The following CNTN4 variants were observed in gnomAD, a reference collection of about 807,000 sequenced individuals.
CNTN4 encodes the protein contactin 4, also known as contactin-4.
A neutral mutation model predicts 122.5 loss-of-function variants in CNTN4; 77 were observed. The observed-to-expected ratio is 0.63, with a 90% CI of 0.52 to 0.76. The LOEUF is 0.76. Ranked by LOEUF, CNTN4 falls within the 30% of genes least tolerant of loss-of-function variation. CNTN4 has a pLI of 0.00. For synonymous variants in CNTN4, 512 were observed against 447.0 expected, an observed-to-expected ratio of 1.15 and a Z score of -1.83; for missense variants, 1,256 against 1,259.1, an observed-to-expected ratio of 1.00 and a Z score of 0.04.
intron 2 of CNTN4, among the ~76,000 whole-genome samples, chr3:2,284,995 A>G (rs1272519602): frequency 6.6e-6 from 1 of 151,944 alleles, no homozygotes; most frequent in African/African-American, 2.4e-5. Context: ...CTCTCTATAT[A>G]TATTTTTGCC....
intron 3 of CNTN4, among the ~76,000 whole-genome samples, chr3:2,357,856 G>A (rs146527968): frequency 5.6e-4 from 85 of 152,252 alleles, no homozygotes; most frequent in African/African-American, 1.8e-3. Context: ...AGGCTTTAAT[G>A]CCTGTAAATT....
intron 3 of CNTN4, among the ~76,000 whole-genome samples, chr3:2,418,473 A>G (rs2047498701): frequency 6.6e-6 from 1 of 152,208 alleles, no homozygotes; most frequent in East Asian, 1.9e-4. Flanking sequence ...TAATCATTAG[A>G]TACTCAATCA....
intron 13 of CNTN4, among the ~76,000 whole-genome samples, chr3:2,926,421 G>C (rs1174490711): frequency 1.3e-5 from 2 of 152,046 alleles, no homozygotes; most frequent in Non-Finnish European, 2.9e-5. Context: ...AGTTATTTGA[G>C]GTTTTACATT....
intron 4 of CNTN4, among the ~76,000 whole-genome samples, chr3:2,672,890 G>C (rs1195878988): frequency 6.6e-6 from 1 of 152,320 alleles, no homozygotes; most frequent in African/African-American, 2.4e-5. Context: ...TGGGGATTAA[G>C]AATCTGTCCT....
intron 2 of CNTN4, among the ~76,000 whole-genome samples, chr3:2,238,463 T>G (rs886618420): frequency 5.3e-5 from 8 of 151,974 alleles, no homozygotes; most frequent in Non-Finnish European, 1.2e-4. Context: ...CATTTGCTGA[T>G]GTATAATAAA....
rs146205309 is a variant in CNTN4, at chr3:2,549,591, T to C, written c.-88-21825T>C. On this transcript the variant is annotated intron_variant, in intron 3 of 24. Coordinates refer to ENST00000418658, the MANE Select transcript of CNTN4 (RefSeq NM_175607.3). ...ATAAGCTTTTTGATGTACTGCTGAA[T>C]TCCTTTTGCCAGTATTTTATTGAGG... Among the ~76,000 whole-genome samples the C allele has an allele frequency of 2.8e-3, 419 of 152,292 alleles. 2 individuals carry two copies. Among genetic ancestry groups the C allele is most frequent in the Non-Finnish European group, 4.4e-3 (298 of 68,040 alleles).
chr3:2,690,468 T>C (rs1382051505), intron 4 of CNTN4, among the ~76,000 whole-genome samples: 1 of 152,144 alleles, frequency 6.6e-6, no homozygotes, highest in Non-Finnish European at 1.5e-5. Flanking sequence ...CCTTATTTTA[T>C]CATCAATAAG....
chr3:3,006,571 G>T (rs1313383233), intron 14 of CNTN4, among the ~76,000 whole-genome samples: 2 of 152,152 alleles, frequency 1.3e-5, no homozygotes, highest in Non-Finnish European at 2.9e-5. Context: ...CAATAATTAG[G>T]CCTTTTACTA....
chr3:2,780,762 G>A (rs1176318868), intron 6 of CNTN4, among the ~76,000 whole-genome samples: 1 of 152,204 alleles, frequency 6.6e-6, no homozygotes, highest in East Asian at 1.9e-4. Context: ...ATGAAAAAAT[G>A]CCACTTTAAT....
intron 3 of CNTN4, among the ~76,000 whole-genome samples, chr3:2,368,037 T>G (rs1190725777): frequency 2.0e-5 from 3 of 146,802 alleles, no homozygotes; most frequent in African/African-American, 7.6e-5. Flanking sequence ...TTCTTTTTTT[T>G]TTTTTTTTTT....
intron 4 of CNTN4, among the ~76,000 whole-genome samples, chr3:2,733,935 G>A (rs1265928616): frequency 2.0e-5 from 3 of 152,132 alleles, no homozygotes; most frequent in African/African-American, 4.8e-5. Context: ...TTTTATAAAT[G>A]GAGTAAGGAG....
intron 2 of CNTN4, among the ~76,000 whole-genome samples, chr3:2,316,246 T>G (rs567809729): frequency 1.3e-5 from 2 of 152,224 alleles, no homozygotes; most frequent in East Asian, 3.9e-4. Flanking sequence ...GATAGAGTCT[T>G]TTATTTTATT....
At chr3:2,121,735 A>G (rs918343317) in intron 2 of CNTN4, among the ~76,000 whole-genome samples, 7 of 152,196 alleles carry the variant, frequency 4.6e-5, no homozygotes, top group African/African-American at 1.7e-4. Context: ...GTAATTATCC[A>G]TATAATTTGA....
At chr3:2,382,719 C>T (rs571869779) in intron 3 of CNTN4, among the ~76,000 whole-genome samples, 1 of 152,232 alleles carries the variant, frequency 6.6e-6, no homozygotes, top group Non-Finnish European at 1.5e-5. Flanking sequence ...GTGAGTTAAA[C>T]TGAGCTGTAA....
chr3:2,110,045 C>T (rs901059443), intron 2 of CNTN4, among the ~76,000 whole-genome samples: 11 of 152,324 alleles, frequency 7.2e-5, no homozygotes, highest in Admixed American at 4.6e-4. Flanking sequence ...ATGGATATCC[C>T]TGTAAAATGT....
intron 3 of CNTN4, among the ~76,000 whole-genome samples, chr3:2,397,543 T>C (rs914889759): frequency 6.6e-6 from 1 of 152,136 alleles, no homozygotes; most frequent in Non-Finnish European, 1.5e-5. Context: ...TCCTCACATA[T>C]ACATACATCT....
chr3:2,637,648 A>G (rs2150089475), intron 4 of CNTN4, among the ~76,000 whole-genome samples: 2 of 152,144 alleles, frequency 1.3e-5, no homozygotes, highest in South Asian at 2.1e-4. Flanking sequence ...ATTTGAATTC[A>G]TCCTCTTGAT....
At chr3:2,384,107 G>A (rs1218386367) in intron 3 of CNTN4, among the ~76,000 whole-genome samples, 1 of 152,176 alleles carries the variant, frequency 6.6e-6, no homozygotes, top group African/African-American at 2.4e-5. Context: ...TACGGTTGTT[G>A]GGTGAATCAA....
chr3:2,849,985 A>G (rs1027935003), intron 7 of CNTN4, among the ~76,000 whole-genome samples: 1 of 132,284 alleles, frequency 7.6e-6, no homozygotes, highest in Non-Finnish European at 1.6e-5. Context: ...GTTAGCAATC[A>G]CTTTTTTTTC....
Sources: gnomAD v4.1 joint callset for allele counts (sites outside exome capture counted in the v4.1 genomes callset) on GRCh38, gnomAD v4.1.1 for gene constraint, MANE v1.5 for transcripts, NCBI Gene and HGNC (gene_info 2026-07-23, HGNC 2026-07-21) for gene names.